The following CAMK1G variants were observed in gnomAD, a reference collection of about 807,000 sequenced individuals.
CAMK1G encodes calcium/calmodulin dependent protein kinase IG, also known as calcium/calmodulin-dependent protein kinase type 1G.
CAMK1G carries 27 observed loss-of-function variants against 54.8 expected under a neutral mutation model. The ratio of observed to expected loss-of-function variants is 0.49; its 90% CI spans 0.36 to 0.68. CAMK1G has a LOEUF of 0.68. Among genes scored for constraint, CAMK1G ranks in the 30% least tolerant of loss-of-function variants. The pLI is 0.00. For synonymous variants in CAMK1G, 238 were observed against 224.9 expected, an observed-to-expected ratio of 1.06 and a Z score of -0.52; for missense variants, 512 against 591.0, an observed-to-expected ratio of 0.87 and a Z score of 1.39.
intron 5 of CAMK1G, among the ~76,000 whole-genome samples, chr1:209,605,899 T>C (rs1410287214): frequency 6.6e-6 from 1 of 152,176 alleles, no homozygotes; most frequent in Non-Finnish European, 1.5e-5. Flanking sequence ...CCTATTTCAA[T>C]ACCAAAATAA....
In CAMK1G at chr1:209,612,026, C is replaced by T. The variant is rs1665794131; in HGVS notation, c.1150C>T (p.Pro384Ser). Residue 384 changes from proline to serine, a missense_variant, in exon 11 of 13, where the codon CCT becomes TCT. Around this residue, in one of 3 missense-constraint regions of CAMK1G, gnomAD observed 315 missense variants for 330.5 expected, o/e 0.95. Transcript: ENST00000361322. Reference protein sequence around the residue: ...PCQHGRRPTAPGGRSLNCLVN... With the variant: ...PCQHGRRPTASGGRSLNCLVN... ...CCAGCATGGCCGCCGGCCCACTGCC[C>T]CTGGTGGCAGGTCCCTCAACTGCCT... 3.7e-6 allele frequency: 6 copies of T among 1,614,140 alleles called. No individual in the cohort carries two copies. The highest frequency in any genetic ancestry group is 1.3e-5 in the African/African-American group (1 of 74,952).
At chr1:209,602,638 T>C (rs1243215800) in intron 3 of CAMK1G, among the ~76,000 whole-genome samples, 6 of 152,238 alleles carry the variant, frequency 3.9e-5, no homozygotes, top group Non-Finnish European at 7.3e-5. Flanking sequence ...CTTTATTTCA[T>C]GCACAAAATT....
chr1:209,593,574 G>T (rs1380398838), intron 1 of CAMK1G, among the ~76,000 whole-genome samples: 1 of 152,098 alleles, frequency 6.6e-6, no homozygotes, highest in Non-Finnish European at 1.5e-5. Flanking sequence ...CTCAGTCAGG[G>T]CACCCCCCAA....
intron 2 of CAMK1G, among the ~76,000 whole-genome samples, chr1:209,597,918 G>GATCTTAATA (rs1665428578): frequency 6.6e-6 from 1 of 152,084 alleles, no homozygotes; most frequent in Non-Finnish European, 1.5e-5. Flanking sequence ...TAACACTTAT[G>GATCTTAATA]GTCTTAATAG....
intron 1 of CAMK1G, among the ~76,000 whole-genome samples, chr1:209,592,344 CAA>C (rs56012133): frequency 1.1e-4 from 8 of 70,220 alleles, no homozygotes; most frequent in Admixed American, 1.6e-4. Context: ...GACTCTGTCT[CAA>C]AAAAAAAAAA....
chr1:209,609,215 C>G, intron 8 of CAMK1G, 123 bp downstream of exon 8: 1 of 1,127,630 alleles, frequency 8.9e-7, no homozygotes, highest in Non-Finnish European at 1.3e-6. Context: ...ACAGAACAGG[C>G]TGCCAAGGAA....
At chr1:209,608,000 C>A in intron 7 of CAMK1G, 67 bp downstream of exon 7, 2 of 1,259,542 alleles carry the variant, frequency 1.6e-6, no homozygotes, top group Non-Finnish European at 2.3e-6. Flanking sequence ...CTTCTCGTTC[C>A]CTCCCCTGTC....
chr1:209,608,822 A>C (rs933724942), intron 7 of CAMK1G, 158 bp from the exon 8 acceptor site: 2 of 550,670 alleles, frequency 3.6e-6, no homozygotes, highest in Admixed American at 6.3e-5. Flanking sequence ...GACCTGTACC[A>C]TTCTGGAATT....
In CAMK1G at chr1:209,609,852, C is replaced by G. The variant is rs755043860; in HGVS notation, c.750C>G (p.Ala250=). Residue 250 remains alanine (A), a splice_region_variant and synonymous_variant, in exon 9 of 13, where the codon GCC becomes GCG. Transcript: ENST00000361322. ...SPFWDDISES[A]KDFICHLLEK... ...CGTGTCTTTGATTACTCCCCTTAGC[C>G]AAGGACTTTATTTGCCACTTGCTTG... 10 of 1,614,124 alleles carry G rather than the reference C, an allele frequency of 6.2e-6. No individual in the cohort carries two copies. Among genetic ancestry groups the G allele is most frequent in the Non-Finnish European group, 7.6e-6 (9 of 1,179,994 alleles).
chr1:209,586,472 T>C (rs982477653), intron 1 of CAMK1G, among the ~76,000 whole-genome samples: 1 of 152,082 alleles, frequency 6.6e-6, no homozygotes, highest in African/African-American at 2.4e-5. Context: ...CACAGTGAGA[T>C]GAGATGCTCA....
intron 1 of CAMK1G, 63 bp from the exon 2 acceptor site, chr1:209,594,892 T>C (rs1571775583): frequency 1.1e-6 from 1 of 935,442 alleles, no homozygotes; most frequent in East Asian, 2.6e-5. Flanking sequence ...GTTTTTAATC[T>C]TGTTTGAGAA....
chr1:209,607,684 T>C, intron 6 of CAMK1G, 174 bp from the exon 7 acceptor site: 3 of 562,972 alleles, frequency 5.3e-6, no homozygotes, highest in South Asian at 2.5e-5. Context: ...TTCAGGAAGA[T>C]TTAGTCTTCC....
chr1:209,596,947 T>G (rs906029828), intron 2 of CAMK1G, among the ~76,000 whole-genome samples: 12 of 152,132 alleles, frequency 7.9e-5, no homozygotes, highest in African/African-American at 2.9e-4. Context: ...AATCTATATT[T>G]TAAGTGCTTC....
intron 1 of CAMK1G, among the ~76,000 whole-genome samples, chr1:209,593,794 T>A (rs1048160731): frequency 1.1e-4 from 16 of 152,226 alleles, no homozygotes; most frequent in Non-Finnish European, 1.8e-4. Flanking sequence ...GAGTGAACTC[T>A]TTAAAACATC....
chr1:209,605,944 C>G (rs758769613), intron 5 of CAMK1G, among the ~76,000 whole-genome samples: 3 of 152,188 alleles, frequency 2.0e-5, no homozygotes, highest in Non-Finnish European at 4.4e-5. Context: ...ACAGTCAAAA[C>G]CCAATGCAAC....
intron 1 of CAMK1G, among the ~76,000 whole-genome samples, chr1:209,591,784 G>A (rs1665257130): frequency 6.6e-6 from 1 of 152,172 alleles, no homozygotes; most frequent in Non-Finnish European, 1.5e-5. Flanking sequence ...GACCTCTGAA[G>A]TATGACTGGT....
intron 1 of CAMK1G, 122 bp from the exon 2 acceptor site, chr1:209,594,833 C>A (rs1263146923): frequency 1.6e-6 from 1 of 608,596 alleles, no homozygotes; most frequent in African/African-American, 1.9e-5. Context: ...CAGGTTTGCT[C>A]CTAATCCTTC....
At chr1:209,590,188 T>C (rs965191562) in intron 1 of CAMK1G, among the ~76,000 whole-genome samples, 1 of 152,156 alleles carries the variant, frequency 6.6e-6, no homozygotes, top group Admixed American at 6.5e-5. Context: ...TTTCTTTTCC[T>C]CTGAAAAGGC....
chr1:209,591,200 C>G (rs1193620698), intron 1 of CAMK1G, among the ~76,000 whole-genome samples: 1 of 152,154 alleles, frequency 6.6e-6, no homozygotes, highest in African/African-American at 2.4e-5. Context: ...GCCAGTGAGA[C>G]CTCCTCTGGC....
Sources: gnomAD v4.1 joint callset for allele counts (sites outside exome capture counted in the v4.1 genomes callset) on GRCh38, gnomAD v4.1.1 for gene constraint, gnomAD v4.1.1 regional missense constraint, MANE v1.5 for transcripts, NCBI Gene and HGNC (gene_info 2026-07-23, HGNC 2026-07-21) for gene names.